The following RIMBP2 variants were observed in gnomAD, a reference collection of about 807,000 sequenced individuals.
RIMBP2 encodes the protein RIMS-binding protein 2.
A neutral mutation model predicts 118.6 loss-of-function variants in RIMBP2; 48 were observed. The observed-to-expected ratio is 0.40, with a 90% CI of 0.32 to 0.51. The LOEUF (loss-of-function observed/expected upper bound fraction) is 0.51. RIMBP2 is among the 20% of genes least tolerant of loss of function. RIMBP2 has a pLI of 0.41. For missense variants in RIMBP2, 1,551 were observed against 1,768.3 expected (o/e 0.88, Z 2.20); for synonymous variants, 762 against 742.9 (o/e 1.03, Z -0.42).
chr12:130,417,868 A>C (rs10848098), intron 17 of RIMBP2, among the ~76,000 whole-genome samples: 11 of 146,424 alleles, frequency 7.5e-5, no homozygotes, highest in Admixed American at 1.3e-4. Context: ...AGAGAATGGG[A>C]GGGGAGAGGG....
At chr12:130,477,262 T>C (rs971600144) in intron 5 of RIMBP2, among the ~76,000 whole-genome samples, 2 of 152,126 alleles carry the variant, frequency 1.3e-5, no homozygotes, top group African/African-American at 4.8e-5. Flanking sequence ...ATCAAATGCT[T>C]AGTAAATCTA....
intron 2 of RIMBP2, among the ~76,000 whole-genome samples, chr12:130,565,713 G>A (rs960163139): frequency 3.3e-5 from 5 of 152,098 alleles, no homozygotes; most frequent in African/African-American, 1.2e-4. Flanking sequence ...CATGTTTGGG[G>A]TCTTTCTTTG....
intron 11 of RIMBP2, among the ~76,000 whole-genome samples, chr12:130,439,519 G>A (rs1358318114): frequency 6.7e-6 from 1 of 149,016 alleles, no homozygotes; most frequent in Non-Finnish European, 1.5e-5. Context: ...GTGGGTATGT[G>A]TGGGTGTGTG....
At chr12:130,583,732 C>T (rs1349782341) in intron 2 of RIMBP2, among the ~76,000 whole-genome samples, 1 of 135,724 alleles carries the variant, frequency 7.4e-6, no homozygotes, top group East Asian at 2.5e-4. Context: ...ATCACCACGA[C>T]CCCCATCACC....
chr12:130,482,190 C>A (rs985817630), intron 4 of RIMBP2, among the ~76,000 whole-genome samples: 6 of 152,230 alleles, frequency 3.9e-5, no homozygotes, highest in Admixed American at 3.3e-4. Context: ...GTCCTCAGGA[C>A]GGACAGTCTC....
In RIMBP2 at chr12:130,621,795, A is replaced by G. The variant is rs1048477864; in HGVS notation, c.-217+6527T>C. On this transcript the variant is annotated intron_variant, in intron 2 of 22. Coordinates refer to ENST00000690449, the MANE Select transcript of RIMBP2 (RefSeq NM_001393629.1). The surrounding 1 kb of genome is among the most constrained non-coding windows in gnomAD (Gnocchi z 6.6). ...CATTTCCAAAACTCTTGCCAAACACATTTGTACTCTACCCTTTTACTGCCC... is the reference window on the plus strand; with the variant it reads ...CATTTCCAAAACTCTTGCCAAACACGTTTGTACTCTACCCTTTTACTGCCC... Among the ~76,000 whole-genome samples, 2 of 152,062 alleles carry G rather than the reference A, an allele frequency of 1.3e-5. No homozygotes were observed. Among genetic ancestry groups the G allele is most frequent in the African/African-American group, 4.8e-5 (2 of 41,406 alleles).
Position 130,649,989 on chromosome 12 carries a change from C to T in RIMBP2, c.-351-21533G>A, listed in dbSNP as rs567332198. On this transcript the variant is annotated intron_variant, in intron 1 of 22. Transcript: ENST00000690449. ...CAACAGGAACAAGCGGTACGAGACTCTCAGAGATGAGGGAGGTGCAGAGTA... is the reference window on the plus strand; with the variant it reads ...CAACAGGAACAAGCGGTACGAGACTTTCAGAGATGAGGGAGGTGCAGAGTA... Among the ~76,000 whole-genome samples, 6 of 151,964 alleles carry T rather than the reference C, an allele frequency of 3.9e-5. No individual in the cohort carries two copies. The South Asian group carries it at 1.2e-3, about 32-fold the overall frequency.
At chr12:130,656,135 T>C (rs2063417846) in intron 1 of RIMBP2, among the ~76,000 whole-genome samples, 1 of 152,184 alleles carries the variant, frequency 6.6e-6, no homozygotes. Flanking sequence ...GGTTTCTGTG[T>C]GGGCCCCGGG....
intron 6 of RIMBP2, 113 bp from the exon 7 acceptor site, chr12:130,456,813 T>A: frequency 1.4e-6 from 1 of 735,952 alleles, no homozygotes; most frequent in Non-Finnish European, 2.2e-6. Flanking sequence ...TGCACGTGTG[T>A]ACACACGTGT....
chr12:130,478,024 A>G (rs1455485925), intron 5 of RIMBP2, among the ~76,000 whole-genome samples: 3 of 152,192 alleles, frequency 2.0e-5, no homozygotes, highest in African/African-American at 7.2e-5. Context: ...GGGGCACCCC[A>G]AGCCCATAGG....
chr12:130,646,420 CACTTCCCTCTCCACCTCCCTT>C lies in RIMBP2; in HGVS notation c.-351-17985_-351-17965del, dbSNP rs1566423494. Among the ~76,000 whole-genome samples the C allele has an allele frequency of 1.4e-4, 16 of 118,478 alleles. 5 individuals carry two copies. The highest frequency in any genetic ancestry group is 1.0e-3 in the Admixed American group (12 of 11,740). The allele number at this position is 118,478 out of a possible 152,430, so 77.7% of individuals were successfully genotyped here. ...CCACCTGCCTCTCCACCTCCCTCAC[CACTTCCCTCTCCACCTCCCTT>C]GCCACCTCCCTCGCCACCTCCCTCG... On this transcript the variant is annotated intron_variant, in intron 1 of 22. Coordinates refer to ENST00000690449, the MANE Select transcript of RIMBP2 (RefSeq NM_001393629.1).
intron 1 of RIMBP2, among the ~76,000 whole-genome samples, chr12:130,647,552 G>A (rs1433477734): frequency 6.9e-6 from 1 of 144,694 alleles, no homozygotes; most frequent in Non-Finnish European, 1.6e-5. Context: ...GGAGAGCGGA[G>A]GACTGAGCTC....
At chr12:130,451,415 C>T (rs1566062542) in intron 7 of RIMBP2, 75 bp from the exon 8 acceptor site, 2 of 1,461,448 alleles carry the variant, frequency 1.4e-6, no homozygotes, top group Non-Finnish European at 1.8e-6. Context: ...CATGCGCCTA[C>T]CCGGGGTGCC....
At chr12:130,465,034 A>G (rs1375917694) in intron 6 of RIMBP2, 1 of 152,288 alleles carries the variant, frequency 6.6e-6, no homozygotes, top group Non-Finnish European at 1.5e-5. Context: ...TTTATTCCAC[A>G]ATAGACGCAA....
chr12:130,616,664 C>T (rs935157144), intron 2 of RIMBP2, among the ~76,000 whole-genome samples: 7 of 152,204 alleles, frequency 4.6e-5, no homozygotes, highest in East Asian at 3.8e-4. Flanking sequence ...TTCCCAATCC[C>T]GCACCTTCCC....
At chr12:130,529,693 A>T (rs2053174107) in intron 2 of RIMBP2, among the ~76,000 whole-genome samples, 1 of 152,210 alleles carries the variant, frequency 6.6e-6, no homozygotes, top group South Asian at 2.1e-4. Context: ...GCTATAAGGC[A>T]TCAGTCCCCA....
At chr12:130,516,241 A>G (rs759992508) in intron 3 of RIMBP2, among the ~76,000 whole-genome samples, 1 of 152,242 alleles carries the variant, frequency 6.6e-6, no homozygotes, top group East Asian at 1.9e-4. Flanking sequence ...AGACAACTCT[A>G]ATTTTTATAT....
chr12:130,594,446 A>G (rs1261667336), intron 2 of RIMBP2, among the ~76,000 whole-genome samples: 1 of 152,230 alleles, frequency 6.6e-6, no homozygotes, highest in Non-Finnish European at 1.5e-5. Flanking sequence ...TTACTTGTAT[A>G]ATACTTATCT....
At chr12:130,712,076 T>C (rs1020119724) in intron 1 of RIMBP2, among the ~76,000 whole-genome samples, 4 of 152,196 alleles carry the variant, frequency 2.6e-5, no homozygotes, top group African/African-American at 4.8e-5. Context: ...TTAGCATGAA[T>C]GGAGCTTGCG....
Sources: allele counts gnomAD v4.1 joint callset (sites outside exome capture counted in the v4.1 genomes callset), GRCh38; gene constraint gnomAD v4.1.1; non-coding constraint Gnocchi (gnomAD v3.1); transcripts MANE v1.5; gene names NCBI Gene and HGNC (gene_info 2026-07-23, HGNC 2026-07-21).